Variants in ARFGEF1 observed in about 807,000 individuals in gnomAD.
ARFGEF1 encodes brefeldin A-inhibited guanine nucleotide-exchange protein 1.
ARFGEF1 carries 42 observed loss-of-function variants against 231.0 expected under a neutral mutation model. That is an observed-to-expected ratio of 0.18 (90% CI 0.14 to 0.24). The LOEUF is 0.24. Among genes scored for constraint, ARFGEF1 ranks in the 10% least tolerant of loss-of-function variants. The pLI is 1.00. For synonymous variants in ARFGEF1, 710 were observed against 732.3 expected (o/e 0.97, Z 0.49); for missense variants, 1,345 against 2,192.0 (o/e 0.61, Z 7.72).
rs117340329 is a variant in ARFGEF1, at chr8:67,320,347, G to A, written c.125-17881C>T. Among the ~76,000 whole-genome samples the A allele has an allele frequency of 1.5e-3, 226 of 150,592 alleles. 6 individuals carry two copies. The East Asian group carries it at 0.041, about 28-fold the overall frequency. On this transcript the variant is annotated intron_variant, in intron 1 of 38. Coordinates refer to ENST00000262215, the MANE Select transcript of ARFGEF1 (RefSeq NM_006421.5). ...AACATGGTTAAATTTTAAAAATACTGACACTCCCAAGAGTCGGTAAGGATA... is the reference window on the plus strand; with the variant it reads ...AACATGGTTAAATTTTAAAAATACTAACACTCCCAAGAGTCGGTAAGGATA...
intron 9 of ARFGEF1, among the ~76,000 whole-genome samples, chr8:67,272,766 A>T (rs1279262058): frequency 3.3e-5 from 5 of 151,990 alleles, no homozygotes; most frequent in Non-Finnish European, 5.9e-5. Context: ...GTAACCATTT[A>T]AAGATTTTTT....
At chr8:67,265,894 T>C in intron 14 of ARFGEF1, 112 bp downstream of exon 14, 1 of 950,102 alleles carries the variant, frequency 1.1e-6, no homozygotes, top group South Asian at 1.6e-5. Flanking sequence ...ATTAGATCCA[T>C]GAGAACTATC....
intron 1 of ARFGEF1, among the ~76,000 whole-genome samples, chr8:67,335,886 A>T (rs1277563509): frequency 6.6e-6 from 1 of 151,992 alleles, no homozygotes; most frequent in African/African-American, 2.4e-5. Context: ...AGCTGGGATT[A>T]CAGGCGCCCA....
chr8:67,327,519 C>T (rs370693306), intron 1 of ARFGEF1, among the ~76,000 whole-genome samples: 128 of 152,142 alleles, frequency 8.4e-4, no homozygotes, highest in Middle Eastern at 6.8e-3. Context: ...GGGGTTTCAC[C>T]ACGTTGGCCA....
intron 20 of ARFGEF1, 134 bp from the exon 21 acceptor site, chr8:67,239,027 G>A: frequency 1.4e-6 from 1 of 725,222 alleles, no homozygotes; most frequent in Non-Finnish European, 2.0e-6. Flanking sequence ...TAATTTTTGA[G>A]ACAGAGTCTC....
At chr8:67,241,325 G>A (rs1370359938) in intron 19 of ARFGEF1, among the ~76,000 whole-genome samples, 1 of 152,168 alleles carries the variant, frequency 6.6e-6, no homozygotes, top group Non-Finnish European at 1.5e-5. Flanking sequence ...ACAGAGAGAA[G>A]CTGAGAGAAA....
At chr8:67,182,156 C>T (rs554748762) in intron 5 of ARFGEF1, among the ~76,000 whole-genome samples, 1 of 152,158 alleles carries the variant, frequency 6.6e-6, no homozygotes, top group African/African-American at 2.4e-5. Flanking sequence ...GCACACACTA[C>T]CATGCCTGAA....
chr8:67,238,891 C>T lies in ARFGEF1; in HGVS notation c.2982G>A (p.Leu994=). Residue 994 remains leucine, a splice_region_variant and synonymous_variant, in exon 21 of 39, where the codon CTG becomes CTA. Coordinates refer to ENST00000262215, the MANE Select transcript of ARFGEF1 (RefSeq NM_006421.5). ...GTGCCTGGACATATGCATCTCTCTCCAGCTATAAAAAAGAGAAAAGTATGT... is the reference window on the plus strand; with the variant it reads ...GTGCCTGGACATATGCATCTCTCTCTAGCTATAAAAAAGAGAAAAGTATGT... ...IRIACIFSIQ[L]ERDAYVQALA... is the part of the protein sequence containing the mutation. 6.2e-7 allele frequency: 1 copy of T among 1,612,492 alleles called. No individual in the cohort carries two copies. The highest frequency in any genetic ancestry group is 8.5e-7 in the Non-Finnish European group (1 of 1,178,970).
At chr8:67,199,821 AT>A (rs927445068) in intron 38 of ARFGEF1, 11 of 165,352 alleles carry the variant, frequency 6.7e-5, no homozygotes, top group East Asian at 4.8e-4. Flanking sequence ...GTAAGTTGCT[AT>A]TTTTTTTTCT....
rs201732515 is a variant in ARFGEF1, at chr8:67,226,133, C to T, written c.3967G>A (p.Ala1323Thr). ...FPATIDSFQD[A>T]VKCLSEFACN... Reference sequence around the variant, plus strand: ...GCAAATTCAGACAAACACTTCACTGCATCCTGGAAAGAATCAATGGTCGCT... The same window carrying T: ...GCAAATTCAGACAAACACTTCACTGTATCCTGGAAAGAATCAATGGTCGCT... Residue 1323 changes from alanine (A) to threonine (T), a missense_variant, in exon 28 of 39, where the codon GCA (alanine) becomes ACA (threonine). By Grantham distance (58) the Ala-to-Thr change is moderately conservative. This residue lies in a region of ARFGEF1 where 142 missense variants were observed against 227.3 expected (regional missense o/e 0.62). Transcript: ENST00000262215. 3.2e-5 allele frequency: 52 copies of T among 1,612,412 alleles called. No individual in the cohort carries two copies. The East Asian group carries it at 1.2e-3, about 36-fold the overall frequency.
chr8:67,194,808 T>TAAAG (rs1188238008), downstream of ARFGEF1, among the ~76,000 whole-genome samples: 1 of 152,114 alleles, frequency 6.6e-6, no homozygotes, highest in Non-Finnish European at 1.5e-5. Flanking sequence ...CAGATTCAAT[T>TAAAG]AAAGAATGAA....
chr8:67,258,275 A>G lies in ARFGEF1; in HGVS notation c.2251T>C (p.Phe751Leu), dbSNP rs1304117949. 6.3e-7 allele frequency: 1 copy of G among 1,597,420 alleles called. No homozygotes were observed. The highest frequency in any genetic ancestry group is 1.7e-5 in the Admixed American group (1 of 59,828). The change falls in exon 16 of 39, where the codon TTC becomes CTC. Residue 751 changes from phenylalanine (F) to leucine (L), a missense_variant. Physicochemically the swap from Phe to Leu is conservative, Grantham distance 22. Around this residue, in one of 14 missense-constraint regions of ARFGEF1, gnomAD observed 105 missense variants for 159.3 expected, o/e 0.66. Coordinates refer to ENST00000262215, the MANE Select transcript of ARFGEF1 (RefSeq NM_006421.5). ...TTAAATTTATCATTATCTCCCAGGA[A>G]CTCACCCACTTGAGTCTAAAGTAAA... Reference protein sequence around the residue: ...ERLDSTQVGEFLGDNDKFNKE... With the variant: ...ERLDSTQVGELLGDNDKFNKE...
At chr8:67,299,968 A>G (rs904221775) in intron 3 of ARFGEF1, among the ~76,000 whole-genome samples, 8 of 151,396 alleles carry the variant, frequency 5.3e-5, no homozygotes, top group Non-Finnish European at 4.4e-5. Flanking sequence ...CCTTGTCACA[A>G]AAAAAAACAA....
chr8:67,259,742 C>T, intron 15 of ARFGEF1, 73 bp downstream of exon 15: 1 of 1,074,298 alleles, frequency 9.3e-7, no homozygotes, highest in Non-Finnish European at 1.4e-6. Context: ...TAGCGAGACC[C>T]TGTCTCTAAT....
In ARFGEF1 at chr8:67,211,479, T is replaced by C. The variant is rs1395667750; in HGVS notation, c.4819+4A>G. 3 of 1,559,506 alleles carry C rather than the reference T, an allele frequency of 1.9e-6. No homozygotes were observed. In the Admixed American group the frequency reaches 6.3e-5, roughly 33 times the overall value. On this transcript the variant is annotated splice_donor_region_variant and intron_variant, in intron 34 of 38. Transcript: ENST00000262215. ...ATTTATTTTTATTTAGAGAAATAACTCACTTGCTGTAGATTTAATTTTGCT... is the reference window on the plus strand; with the variant it reads ...ATTTATTTTTATTTAGAGAAATAACCCACTTGCTGTAGATTTAATTTTGCT...
At chr8:67,194,678 C>A (rs1837396649), downstream of ARFGEF1, among the ~76,000 whole-genome samples, 4 of 147,324 alleles carry the variant, frequency 2.7e-5, no homozygotes, top group Admixed American at 1.3e-4. Context: ...CTTCACAGAC[C>A]AGGAGAATTA....
At chr8:67,216,735 G>A (rs1838949072) in intron 32 of ARFGEF1, 73 bp from the exon 33 acceptor site, 5 of 1,198,940 alleles carry the variant, frequency 4.2e-6, no homozygotes, top group Admixed American at 5.3e-5. Context: ...TTTTGAAATG[G>A]GCCCAAGAAA....
intron 5 of ARFGEF1, among the ~76,000 whole-genome samples, chr8:67,180,695 G>A (rs1832790903): frequency 6.6e-6 from 1 of 152,016 alleles, no homozygotes; most frequent in African/African-American, 2.4e-5. Flanking sequence ...TGTTACCATT[G>A]GGGGAAACTG....
chr8:67,261,764 C>T (rs1804631701), intron 14 of ARFGEF1, among the ~76,000 whole-genome samples: 1 of 152,094 alleles, frequency 6.6e-6, no homozygotes, highest in African/African-American at 2.4e-5. Context: ...CCTTGGCTTC[C>T]CAAAGCTGGG....
Sources: gnomAD v4.1 joint callset for allele counts (sites outside exome capture counted in the v4.1 genomes callset) on GRCh38, gnomAD v4.1.1 for gene constraint, gnomAD v4.1.1 regional missense constraint, MANE v1.5 for transcripts, NCBI Gene and HGNC (gene_info 2026-07-23, HGNC 2026-07-21) for gene names.